Variants in RAB11FIP5 observed in about 807,000 individuals in gnomAD.
RAB11FIP5 encodes RAB11 family interacting protein 5, also known as rab11 family-interacting protein 5.
RAB11FIP5 carries 48 observed loss-of-function variants against 85.1 expected under a neutral mutation model. That is an observed-to-expected ratio of 0.56 (90% CI 0.45 to 0.72). The LOEUF (loss-of-function observed/expected upper bound fraction) is 0.72. Among genes scored for constraint, RAB11FIP5 ranks in the 30% least tolerant of loss-of-function variants. The pLI, the probability that RAB11FIP5 is intolerant of heterozygous loss-of-function variation, is 0.00. For missense variants in RAB11FIP5, 1,491 were observed against 1,687.0 expected, an observed-to-expected ratio of 0.88 and a Z score of 2.04; for synonymous variants, 729 against 727.3, an observed-to-expected ratio of 1.00 and a Z score of -0.04.
At chr2:73,092,673 C>T (rs1684240893) in intron 1 of RAB11FIP5, among the ~76,000 whole-genome samples, 1 of 152,190 alleles carries the variant, frequency 6.6e-6, no homozygotes, top group Non-Finnish European at 1.5e-5. Context: ...CCCTCCCCCA[C>T]AGGGAATTTG....
intron 1 of RAB11FIP5, among the ~76,000 whole-genome samples, chr2:73,104,740 C>G (rs1684491257): frequency 6.6e-6 from 1 of 152,208 alleles, no homozygotes; most frequent in Non-Finnish European, 1.5e-5. Flanking sequence ...CTAATCAGGT[C>G]TCACCTGTTA....
At chr2:73,083,055 A>G (rs1684020129) in intron 3 of RAB11FIP5, among the ~76,000 whole-genome samples, 1 of 152,240 alleles carries the variant, frequency 6.6e-6, no homozygotes, top group Non-Finnish European at 1.5e-5. Flanking sequence ...ATCCTGGGGA[A>G]ACCCCTACAC....
chr2:73,088,223 G>A lies in RAB11FIP5; in HGVS notation c.1395C>T (p.Phe465=), dbSNP rs1313295222. 5 of 1,613,892 alleles carry A rather than the reference G, an allele frequency of 3.1e-6. No individual in the cohort carries two copies. The highest frequency in any genetic ancestry group is 2.2e-5 in the East Asian group (1 of 44,868). Residue 465 remains phenylalanine, a synonymous_variant, in exon 3 of 6, where the codon TTC becomes TTT. Transcript: ENST00000486777. ...GACTTAGGCCTTGGTGGTGGTGGTG[G>A]AAGAGACCCATCCGGGGCTTGCGTT... ...KEERKPRMGL[F]HHHHQGLSRS... is the part of the protein sequence containing the mutation.
At chr2:73,087,957 C>T in intron 3 of RAB11FIP5, 93 bp downstream of exon 3, 1 of 1,254,252 alleles carries the variant, frequency 8.0e-7, no homozygotes, top group Non-Finnish European at 1.1e-6. Context: ...GCCTGAGGTC[C>T]ATATCTACTC....
chr2:73,111,420 C>T (rs1278531326), intron 1 of RAB11FIP5, among the ~76,000 whole-genome samples: 1 of 152,154 alleles, frequency 6.6e-6, no homozygotes, highest in African/African-American at 2.4e-5. Context: ...CAGATCACTC[C>T]CAAGTTAACC....
intron 1 of RAB11FIP5, among the ~76,000 whole-genome samples, chr2:73,109,135 C>T (rs143577826): frequency 3.3e-5 from 5 of 152,174 alleles, no homozygotes; most frequent in Non-Finnish European, 5.9e-5. Context: ...AGGAACATGA[C>T]GATCCATGGA....
At chr2:73,083,547 C>G (rs1410305072) in intron 3 of RAB11FIP5, among the ~76,000 whole-genome samples, 1 of 152,166 alleles carries the variant, frequency 6.6e-6, no homozygotes, top group Non-Finnish European at 1.5e-5. Flanking sequence ...AAATTCCCAC[C>G]TGTTCCCACC....
intron 1 of RAB11FIP5, among the ~76,000 whole-genome samples, chr2:73,111,897 C>A (rs1251810639): frequency 6.6e-6 from 1 of 152,180 alleles, no homozygotes; most frequent in Non-Finnish European, 1.5e-5. Flanking sequence ...GAGGAAGACA[C>A]CTGGCTTTCC....
rs777067337 is a variant in RAB11FIP5, at chr2:73,088,909, T to C, written c.838A>G (p.Ser280Gly). The C allele has an allele frequency of 6.3e-7, 1 of 1,589,690 alleles. No homozygotes were observed. The highest frequency in any genetic ancestry group is 8.6e-7 in the Non-Finnish European group (1 of 1,167,496). Residue 280 changes from serine (S) to glycine (G), a missense_variant, in exon 2 of 6, where the codon AGC becomes GGC. Coordinates refer to ENST00000486777, the MANE Select transcript of RAB11FIP5 (RefSeq NM_001371272.1). ...PGAELLTRSP[S>G]RSSWLSTEGG... is the part of the protein sequence containing the mutation. ...TCAGTGGACAGCCAGCTGCTACGGC[T>C]TGGTGAGCGGGTGAGGAGTTCGGCG...
chr2:73,112,611 C>A lies in RAB11FIP5; in HGVS notation c.167G>T (p.Ser56Ile). The change falls in exon 1 of 6, where the codon AGT (serine) becomes ATT (isoleucine). Residue 56 changes from serine (S) to isoleucine (I), a missense_variant. Physicochemically the swap from Ser to Ile is moderately radical, Grantham distance 142. Coordinates refer to ENST00000486777, the MANE Select transcript of RAB11FIP5 (RefSeq NM_001371272.1). ...GTGCGTCTTCTCCACCACCGACGTA[C>A]TGTACTTCTCGCGGCCCACCTGGAT... ...TVIQVGREKY[S>I]TSVVEKTHGC... The A allele has an allele frequency of 1.9e-6, 3 of 1,602,180 alleles. No homozygotes were observed. Among genetic ancestry groups the A allele is most frequent in the Non-Finnish European group, 2.6e-6 (3 of 1,175,794 alleles).
chr2:73,079,066 G>A (rs1683916269), intron 4 of RAB11FIP5, among the ~76,000 whole-genome samples: 1 of 152,226 alleles, frequency 6.6e-6, no homozygotes, highest in South Asian at 2.1e-4. Flanking sequence ...AGTTACATAT[G>A]TGGGAAGTGT....
In RAB11FIP5 at chr2:73,081,794, G is replaced by A. The variant is rs76094940; in HGVS notation, c.1569-131C>T. ...ACACATAGGCTGGATTTACCTACTT[G>A]GGCCAGGGTACAGAGGGAAGACCCC... On this transcript the variant is annotated intron_variant, in intron 3 of 5. Coordinates refer to ENST00000486777, the MANE Select transcript of RAB11FIP5 (RefSeq NM_001371272.1). The surrounding 1 kb of genome is among the most constrained non-coding windows in gnomAD (Gnocchi z 4.2). The A allele has an allele frequency of 7.6e-3, 6,498 of 858,580 alleles. 33 individuals carry two copies. Among genetic ancestry groups the A allele is most frequent in the Non-Finnish European group, 9.3e-3 (6,049 of 647,994 alleles). The allele number at this position is 858,580 out of a possible 1,614,324, so 53.2% of individuals were successfully genotyped here. A position where few individuals can be genotyped will look rare whatever the true frequency, so the allele number is the denominator to read the frequency against.
chr2:73,077,859 T>C (rs1683893921), intron 4 of RAB11FIP5, among the ~76,000 whole-genome samples: 1 of 152,188 alleles, frequency 6.6e-6, no homozygotes, highest in South Asian at 2.1e-4. Context: ...CTCTTACAAA[T>C]CTATGCTTAC....
chr2:73,080,433 C>A lies in RAB11FIP5; in HGVS notation c.2799G>T (p.Glu933Asp). ...GTGCACTTGGGGAGGCATCTTCTCC[C>A]TCTGTCTCCGGCCCCCTGTTACTCA... ...VGLSNRGPET[E>D]GEDASPSALV... Residue 933 changes from glutamate (E) to aspartate (D), a missense_variant, in exon 4 of 6, where the codon GAG becomes GAT. By Grantham distance (45) the Glu-to-Asp change is conservative. Transcript: ENST00000486777. The A allele has an allele frequency of 8.1e-7, 1 of 1,233,596 alleles. No individual in the cohort carries two copies. Among genetic ancestry groups the A allele is most frequent in the South Asian group, 4.1e-5 (1 of 24,332 alleles). 76.4% of individuals were successfully genotyped at this position (1,233,596 alleles called of 1,614,324 possible). A position where few individuals can be genotyped will look rare whatever the true frequency, so the allele number is the denominator to read the frequency against.
intron 1 of RAB11FIP5, among the ~76,000 whole-genome samples, chr2:73,105,103 T>G (rs1450583524): frequency 6.6e-6 from 1 of 152,166 alleles, no homozygotes; most frequent in Non-Finnish European, 1.5e-5. Flanking sequence ...AAAACCAGCA[T>G]GTGACGTCTT....
At chr2:73,092,335 C>G (rs528449051) in intron 1 of RAB11FIP5, among the ~76,000 whole-genome samples, 1 of 152,248 alleles carries the variant, frequency 6.6e-6, no homozygotes, top group Non-Finnish European at 1.5e-5. Flanking sequence ...ACTCACACTG[C>G]ACACACCACA....
chr2:73,103,786 C>A (rs1684474309), intron 1 of RAB11FIP5, among the ~76,000 whole-genome samples: 1 of 152,134 alleles, frequency 6.6e-6, no homozygotes, highest in Non-Finnish European at 1.5e-5. Context: ...TGGCCCAGGA[C>A]CAAAAAGCAA....
chr2:73,097,305 G>T (rs574658431), intron 1 of RAB11FIP5, among the ~76,000 whole-genome samples: 1 of 152,098 alleles, frequency 6.6e-6, no homozygotes, highest in African/African-American at 2.4e-5. Flanking sequence ...CCAAAGTGCT[G>T]AGATTACAGG....
Position 73,093,737 on chromosome 2 carries a change from G to A in RAB11FIP5, c.432-4422C>T, listed in dbSNP as rs138229461. ...AGCTTATCCTCTCACTCTCTCCCAC[G>A]ACCGTGAGCTCTTAGGACTCCTGCT... On this transcript the variant is annotated intron_variant, in intron 1 of 5. Transcript: ENST00000486777. 1.6e-3 allele frequency among the ~76,000 whole-genome samples: 251 copies of A among 152,292 alleles called. 2 individuals are homozygous for A. Among genetic ancestry groups the A allele is most frequent in the African/African-American group, 5.6e-3 (233 of 41,554 alleles).
Sources: gnomAD v4.1 joint callset for allele counts (sites outside exome capture counted in the v4.1 genomes callset) on GRCh38, gnomAD v4.1.1 for gene constraint, Gnocchi (gnomAD v3.1) non-coding constraint, MANE v1.5 for transcripts, NCBI Gene and HGNC (gene_info 2026-07-23, HGNC 2026-07-21) for gene names.